MAP4K4: variants seen among roughly 807,000 people sequenced by gnomAD.
MAP4K4 encodes the protein HPK/GCK-like kinase HGK.
A neutral mutation model predicts 189.6 loss-of-function variants in MAP4K4; 38 were observed. The ratio of observed to expected loss-of-function variants is 0.20; its 90% CI spans 0.15 to 0.26. MAP4K4 has a LOEUF of 0.26. Ranked by LOEUF, MAP4K4 falls within the 10% of genes least tolerant of loss-of-function variation. The pLI is 1.00. For synonymous variants in MAP4K4, 610 were observed against 624.3 expected (o/e 0.98, Z 0.34); for missense variants, 1,054 against 1,726.9 (o/e 0.61, Z 6.91).
chr2:101,836,030 T>G (rs2096739660), intron 9 of MAP4K4, 52 bp downstream of exon 9: 4 of 1,339,494 alleles, frequency 3.0e-6, no homozygotes, highest in East Asian at 2.3e-5. Context: ...TTAAATTGCT[T>G]CTTTTTAGTT....
At chr2:101,729,101 A>AGAGAGTGTGTGTGTGTGTGTGT (rs149283961) in intron 2 of MAP4K4, among the ~76,000 whole-genome samples, 2 of 130,604 alleles carry the variant, frequency 1.5e-5, no homozygotes, top group African/African-American at 3.1e-5. Context: ...AGAGAGAGAG[A>AGAGAGTGTGTGTGTGTGTGTGT]GTGTGTGTGT....
chr2:101,719,432 A>G (rs1001859215), intron 2 of MAP4K4, among the ~76,000 whole-genome samples: 2 of 152,172 alleles, frequency 1.3e-5, no homozygotes, highest in African/African-American at 4.8e-5. Context: ...CCCCTAAGCC[A>G]TGGCAGTAAG....
intron 3 of MAP4K4, among the ~76,000 whole-genome samples, chr2:101,808,798 T>TTGTGTGTG (rs147383853): frequency 6.6e-6 from 1 of 150,882 alleles, no homozygotes; most frequent in African/African-American, 2.4e-5. Context: ...TTTAGTTTCA[T>TTGTGTGTG]TGTGTGTGTG....
chr2:101,869,213 T>A (rs3771904), intron 21 of MAP4K4, among the ~76,000 whole-genome samples: 92,157 of 151,740 alleles, frequency 0.61, 29,562 homozygotes, highest in African/African-American at 0.82. Flanking sequence ...AAAACCTTTT[T>A]TATGAGTCTA....
At chr2:101,802,281 C>T (rs1224880625) in intron 3 of MAP4K4, among the ~76,000 whole-genome samples, 4 of 152,180 alleles carry the variant, frequency 2.6e-5, no homozygotes, top group African/African-American at 7.2e-5. Flanking sequence ...TCACGAGCCT[C>T]CTGCCTCCAT....
chr2:101,849,721 G>T, intron 12 of MAP4K4, among the ~76,000 whole-genome samples: 1 of 144,096 alleles, frequency 6.9e-6, no homozygotes, highest in East Asian at 2.0e-4. Context: ...TGTTTTCTTT[G>T]TTCTTTGTCT....
intron 2 of MAP4K4, among the ~76,000 whole-genome samples, chr2:101,747,173 C>A (rs2066063886): frequency 6.6e-6 from 1 of 152,098 alleles, no homozygotes. Flanking sequence ...GGCTGGAGTG[C>A]AGTGGTGCGA....
At chr2:101,708,409 G>A (rs1180680674) in intron 2 of MAP4K4, among the ~76,000 whole-genome samples, 1 of 152,172 alleles carries the variant, frequency 6.6e-6, no homozygotes. Context: ...CGTAACCTCT[G>A]TGACCTTACT....
At chr2:101,725,767 A>G (rs2054965705) in intron 2 of MAP4K4, among the ~76,000 whole-genome samples, 1 of 152,232 alleles carries the variant, frequency 6.6e-6, no homozygotes. Flanking sequence ...TGGTTGGTGC[A>G]TGTGTGGCTG....
chr2:101,814,056 G>A (rs1039812029), intron 3 of MAP4K4, among the ~76,000 whole-genome samples: 1 of 152,152 alleles, frequency 6.6e-6, no homozygotes, highest in Non-Finnish European at 1.5e-5. Context: ...ATTATTGAAG[G>A]CATGATGACT....
intron 7 of MAP4K4, among the ~76,000 whole-genome samples, chr2:101,834,194 C>CTCCCTCCCCTCCCTCCA (rs1559122338): frequency 8.0e-6 from 1 of 125,464 alleles, no homozygotes; most frequent in African/African-American, 3.1e-5. Context: ...CCTCCCTCCC[C>CTCCCTCCCCTCCCTCCA]TCCCTCCATC....
intron 12 of MAP4K4, among the ~76,000 whole-genome samples, chr2:101,850,898 TA>T (rs2097262577): frequency 6.6e-6 from 1 of 151,836 alleles, no homozygotes; most frequent in South Asian, 2.1e-4. Context: ...AACTTACAAA[TA>T]AAAAAACTCA....
At chr2:101,863,546 T>A (rs2097730472) in intron 16 of MAP4K4, among the ~76,000 whole-genome samples, 1 of 152,018 alleles carries the variant, frequency 6.6e-6, no homozygotes, top group Non-Finnish European at 1.5e-5. Flanking sequence ...AAAAAAAAAA[T>A]AAAAATCTTC....
At chr2:101,873,035 T>C (rs1288494364) in intron 24 of MAP4K4, among the ~76,000 whole-genome samples, 1 of 152,224 alleles carries the variant, frequency 6.6e-6, no homozygotes, top group Admixed American at 6.5e-5. Flanking sequence ...TTAAGTTACA[T>C]TATTAACCAA....
Position 101,806,007 on chromosome 2 carries a change from C to T in MAP4K4, c.180+15231C>T, listed in dbSNP as rs201645079. On this transcript the variant is annotated intron_variant, in intron 3 of 32. Transcript: ENST00000324219. ...GGGGTGGAATAAAGATAGGGAGACA[C>T]AGCCAAATAAATAAAATTCCAAGCA... Among the ~76,000 whole-genome samples the T allele has an allele frequency of 1.0e-3, 155 of 152,244 alleles. No homozygotes were observed. In the East Asian group the frequency reaches 0.01, roughly 10 times the overall value.
chr2:101,841,842 T>C (rs1175119345), intron 10 of MAP4K4, among the ~76,000 whole-genome samples: 1 of 152,170 alleles, frequency 6.6e-6, no homozygotes, highest in Non-Finnish European at 1.5e-5. Context: ...CTTCAACCTG[T>C]CTGGTTTTTT....
chr2:101,811,200 G>T (rs944859095), intron 3 of MAP4K4, among the ~76,000 whole-genome samples: 7 of 151,188 alleles, frequency 4.6e-5, no homozygotes, highest in African/African-American at 1.7e-4. Flanking sequence ...GGTGAAACCC[G>T]GTCTCTACAA....
At chr2:101,850,846 G>C (rs2097260921) in intron 12 of MAP4K4, among the ~76,000 whole-genome samples, 2 of 152,180 alleles carry the variant, frequency 1.3e-5, no homozygotes, top group Admixed American at 1.3e-4. Flanking sequence ...ATTACCTAAA[G>C]ATGGGGAAGA....
intron 21 of MAP4K4, among the ~76,000 whole-genome samples, chr2:101,868,354 A>G (rs1161444456): frequency 6.6e-6 from 1 of 152,236 alleles, no homozygotes. Flanking sequence ...TCAACTATGA[A>G]GAAAATAGAA....
Sources: allele counts gnomAD v4.1 joint callset (sites outside exome capture counted in the v4.1 genomes callset), GRCh38; gene constraint gnomAD v4.1.1; transcripts MANE v1.5; gene names NCBI Gene and HGNC (gene_info 2026-07-23, HGNC 2026-07-21).